SLC13A3: variants seen among roughly 807,000 people sequenced by gnomAD.
SLC13A3 encodes the protein Na(+)/dicarboxylate cotransporter 3.
In SLC13A3, 40 loss-of-function variants were observed where a neutral mutation model predicts 59.0. That is an observed-to-expected ratio of 0.68 (90% CI 0.53 to 0.88). The LOEUF is 0.88. Ranked by LOEUF, SLC13A3 falls within the 40% of genes least tolerant of loss-of-function variation. The pLI, the probability that SLC13A3 is intolerant of heterozygous loss-of-function variation, is 0.00. For synonymous variants in SLC13A3, 317 were observed against 330.3 expected (o/e 0.96, Z 0.44); for missense variants, 699 against 783.2 (o/e 0.89, Z 1.28).
At chr20:46,566,163 C>A in intron 11 of SLC13A3, 66 bp downstream of exon 11, 2 of 1,391,588 alleles carry the variant, frequency 1.4e-6, no homozygotes, top group South Asian at 1.2e-5. Context: ...GGTCCCTTGG[C>A]GGGGGAAGAT....
At chr20:46,627,735 A>G (rs2062690155) in intron 1 of SLC13A3, among the ~76,000 whole-genome samples, 1 of 152,168 alleles carries the variant, frequency 6.6e-6, no homozygotes, top group South Asian at 2.1e-4. Context: ...GTAATTAATG[A>G]AAAACCGACA....
chr20:46,670,224 A>T (rs1232036672), upstream of SLC13A3: 4 of 152,182 alleles, frequency 2.6e-5, no homozygotes, highest in Non-Finnish European at 2.9e-5. Context: ...GGCCAATGGG[A>T]AGTGAGTAGA....
intron 11 of SLC13A3, among the ~76,000 whole-genome samples, chr20:46,565,300 T>C (rs982270712): frequency 1.3e-5 from 2 of 152,216 alleles, no homozygotes; most frequent in African/African-American, 4.8e-5. Flanking sequence ...TAGCTATAAA[T>C]TGAGTGGCCA....
intron 1 of SLC13A3, among the ~76,000 whole-genome samples, chr20:46,642,836 G>A (rs1236631373): frequency 1.3e-5 from 2 of 152,178 alleles, no homozygotes; most frequent in Non-Finnish European, 2.9e-5. Context: ...AGGAGGCAAA[G>A]GGCCAGGGGA....
chr20:46,601,630 G>C (rs1378701662), intron 3 of SLC13A3, among the ~76,000 whole-genome samples: 6 of 152,204 alleles, frequency 3.9e-5, no homozygotes, highest in East Asian at 1.9e-4. Flanking sequence ...CCATGCAAAA[G>C]AACAAGGCAG....
chr20:46,572,626 T>C (rs761748379), intron 10 of SLC13A3, among the ~76,000 whole-genome samples: 1 of 152,204 alleles, frequency 6.6e-6, no homozygotes, highest in Non-Finnish European at 1.5e-5. Context: ...AACCTCCACA[T>C]GATTCTTGAT....
chr20:46,618,928 T>G (rs1180008662), intron 1 of SLC13A3, among the ~76,000 whole-genome samples: 1 of 152,314 alleles, frequency 6.6e-6, no homozygotes, highest in East Asian at 1.9e-4. Context: ...GAACTTCAGT[T>G]GCCTTTCAGT....
chr20:46,625,689 G>C (rs2062661410), intron 1 of SLC13A3, among the ~76,000 whole-genome samples: 1 of 152,138 alleles, frequency 6.6e-6, no homozygotes. Context: ...CCTGTTCTGG[G>C]ATATAATGGA....
At chr20:46,635,547 A>G (rs1387596312) in intron 1 of SLC13A3, among the ~76,000 whole-genome samples, 1 of 152,116 alleles carries the variant, frequency 6.6e-6, no homozygotes, top group African/African-American at 2.4e-5. Flanking sequence ...TCCGGACTCT[A>G]CAATTGCACT....
At chr20:46,589,350 C>A in intron 6 of SLC13A3, 95 bp from the exon 7 acceptor site, 1 of 1,013,094 alleles carries the variant, frequency 9.9e-7, no homozygotes, top group Non-Finnish European at 1.5e-6. Flanking sequence ...GCCACATCCT[C>A]TCTGTCCGGG....
chr20:46,579,222 G>C (rs940660070), intron 9 of SLC13A3, among the ~76,000 whole-genome samples: 1 of 151,962 alleles, frequency 6.6e-6, no homozygotes, highest in African/African-American at 2.4e-5. Flanking sequence ...CTGCAACCTT[G>C]AACTCCTCAA....
chr20:46,633,517 G>A (rs1244599697), intron 1 of SLC13A3, among the ~76,000 whole-genome samples: 2 of 152,184 alleles, frequency 1.3e-5, no homozygotes, highest in Non-Finnish European at 2.9e-5. Context: ...CAAAAGGCAG[G>A]TGGACATGGC....
chr20:46,599,018 C>A (rs532552486), intron 4 of SLC13A3, among the ~76,000 whole-genome samples: 1 of 152,328 alleles, frequency 6.6e-6, no homozygotes, highest in South Asian at 2.1e-4. Context: ...CTTCCCTGAC[C>A]ACCCATATTC....
At position 46,610,579 on chromosome 20, in the gene SLC13A3, C is replaced by T. The variant is rs914602203; in HGVS notation, c.408G>A (p.Ser136=). The T allele has an allele frequency of 1.2e-5, 19 of 1,613,750 alleles. No homozygotes were observed. Among genetic ancestry groups the T allele is most frequent in the African/African-American group, 4.0e-5 (3 of 74,894 alleles). ...TGTTGCTCAGCCACATGGACAAGAA[C>T]GAGGTGGTCACCATCATCCCCAGGA... ...RLILGMMVTT[S]FLSMWLSNTA... is the part of the protein sequence containing the mutation. The change falls in exon 3 of 13, where the codon TCG becomes TCA. Residue 136 remains serine (S), a synonymous_variant. Transcript: ENST00000279027.
At chr20:46,659,858 G>C (rs2063018557) in intron 1 of SLC13A3, among the ~76,000 whole-genome samples, 1 of 151,932 alleles carries the variant, frequency 6.6e-6, no homozygotes, top group Non-Finnish European at 1.5e-5. Flanking sequence ...ATAAACCCAA[G>C]TATGTGCTGA....
intron 1 of SLC13A3, among the ~76,000 whole-genome samples, chr20:46,647,531 C>T (rs1231329744): frequency 6.6e-6 from 1 of 152,178 alleles, no homozygotes; most frequent in Non-Finnish European, 1.5e-5. Context: ...TCCCAACTTC[C>T]TGAGCCCCCA....
chr20:46,645,623 T>A (rs577358792), intron 1 of SLC13A3, among the ~76,000 whole-genome samples: 2 of 152,356 alleles, frequency 1.3e-5, no homozygotes, highest in African/African-American at 4.8e-5. Context: ...TCTTTCCTTC[T>A]CATTATTTCC....
rs779657224 is a variant in SLC13A3, at chr20:46,560,024, A to C, written c.1807T>G (p.Ter603GlyextTer22). 3 of 1,613,920 alleles carry C rather than the reference A, an allele frequency of 1.9e-6. No individual in the cohort carries two copies. In the South Asian group the frequency reaches 3.3e-5, roughly 18 times the overall value. Reference sequence around the variant, plus strand: ...TCAAGGGAGTCCTCCAGGGGGACTCAGAGGGTCCGAAATGTGTCATTGGCC... The same window carrying C: ...TCAAGGGAGTCCTCCAGGGGGACTCCGAGGGTCCGAAATGTGTCATTGGCC... The part of the protein sequence containing the change: ...TLANDTFRTL[*>G] The change falls in exon 13 of 13, where the codon TGA becomes GGA. Residue 603 changes from the stop codon to glycine (G), a stop_lost. Transcript: ENST00000279027.
intron 1 of SLC13A3, among the ~76,000 whole-genome samples, chr20:46,648,637 A>G (rs1052215304): frequency 2.6e-5 from 4 of 152,036 alleles, no homozygotes; most frequent in African/African-American, 9.7e-5. Flanking sequence ...AGAAGTACAG[A>G]CTCTTGCCTG....
Sources: gnomAD v4.1 joint callset for allele counts (sites outside exome capture counted in the v4.1 genomes callset) on GRCh38, gnomAD v4.1.1 for gene constraint, MANE v1.5 for transcripts, NCBI Gene and HGNC (gene_info 2026-07-23, HGNC 2026-07-21) for gene names.